The following MYBL2 variants were observed in gnomAD, a reference collection of about 807,000 sequenced individuals.
The protein encoded by MYBL2 is myb-related protein B.
Under a neutral mutation model 79.9 loss-of-function variants are expected in MYBL2, and 28 were observed. The ratio of observed to expected loss-of-function variants is 0.35; its 90% CI spans 0.26 to 0.48. The LOEUF (loss-of-function observed/expected upper bound fraction) is 0.48. MYBL2 is among the 20% of genes least tolerant of loss of function. The pLI, the probability that MYBL2 is intolerant of heterozygous loss-of-function variation, is 0.99. For missense variants in MYBL2, 735 were observed against 893.9 expected (o/e 0.82, Z 2.27); for synonymous variants, 378 against 361.2 (o/e 1.05, Z -0.53).
chr20:43,703,224 C>T (rs1307118099), intron 8 of MYBL2, among the ~76,000 whole-genome samples: 3 of 152,084 alleles, frequency 2.0e-5, no homozygotes, highest in African/African-American at 7.2e-5. Context: ...ACCTATTTCA[C>T]AGCAGACTTA....
At chr20:43,713,575 C>T (rs555643169) in intron 12 of MYBL2, among the ~76,000 whole-genome samples, 1 of 152,050 alleles carries the variant, frequency 6.6e-6, no homozygotes, top group African/African-American at 2.4e-5. Flanking sequence ...TTAGTAGAGA[C>T]GGGGTTTCTC....
chr20:43,705,275 A>G lies in MYBL2; in HGVS notation c.1422A>G (p.Thr474=), dbSNP rs1172898155. The G allele has an allele frequency of 1.9e-6, 3 of 1,614,016 alleles. No homozygotes were observed. The African/African-American group carries it at 4.0e-5, about 22-fold the overall frequency. Reference sequence around the variant, plus strand: ...TGGAGCTGGAGAGCCCCTCGCTGACATCCACCCCAGTGTGCAGCCAGAAGG... The same window carrying G: ...TGGAGCTGGAGAGCCCCTCGCTGACGTCCACCCCAGTGTGCAGCCAGAAGG... ...DTLELESPSL[T]STPVCSQKVV... is the part of the protein sequence containing the mutation. The change falls in exon 9 of 14, where the codon ACA becomes ACG. Residue 474 remains threonine, a synonymous_variant. Coordinates refer to ENST00000217026, the MANE Select transcript of MYBL2 (RefSeq NM_002466.4).
chr20:43,703,087 G>A (rs1987709553), intron 8 of MYBL2, among the ~76,000 whole-genome samples, 184 bp downstream of exon 8: 1 of 152,204 alleles, frequency 6.6e-6, no homozygotes, highest in Non-Finnish European at 1.5e-5. Context: ...GAAGGCTTAT[G>A]GTGCTGCATA....
At chr20:43,694,257 G>A (rs867303595) in intron 6 of MYBL2, among the ~76,000 whole-genome samples, 1 of 151,936 alleles carries the variant, frequency 6.6e-6, no homozygotes, top group Non-Finnish European at 1.5e-5. Flanking sequence ...GCGTGAACCC[G>A]GGAGGCAGAG....
In MYBL2 at chr20:43,667,320, G is replaced by C; in HGVS notation, c.20+17G>C. The C allele has an allele frequency of 8.1e-7, 1 of 1,230,408 alleles. No homozygotes were observed. Among genetic ancestry groups the C allele is most frequent in the Non-Finnish European group, 1.0e-6 (1 of 985,130 alleles). 76.2% of individuals were successfully genotyped at this position (1,230,408 alleles called of 1,614,324 possible). A position where few individuals can be genotyped will look rare whatever the true frequency, so the allele number is the denominator to read the frequency against. On this transcript the variant is annotated intron_variant, in intron 1 of 13. Coordinates refer to ENST00000217026, the MANE Select transcript of MYBL2 (RefSeq NM_002466.4). Reference sequence around the variant, plus strand: ...GACGCGCTGGTGAGACGAGCCGGGAGGGCTTGGGCCCCTCCCCCTCCCTTT... The same window carrying C: ...GACGCGCTGGTGAGACGAGCCGGGACGGCTTGGGCCCCTCCCCCTCCCTTT...
intron 4 of MYBL2, among the ~76,000 whole-genome samples, chr20:43,685,322 A>G (rs1987247067): frequency 6.6e-6 from 1 of 151,486 alleles, no homozygotes; most frequent in Admixed American, 6.6e-5. Flanking sequence ...CTGAGATTAC[A>G]GGTGCATGCT....
chr20:43,714,304 G>A (rs1017874002), intron 12 of MYBL2, among the ~76,000 whole-genome samples: 15 of 152,336 alleles, frequency 9.8e-5, no homozygotes, highest in East Asian at 3.9e-4. Context: ...TTGAAGCTGC[G>A]TCTTTATGAT....
intron 8 of MYBL2, among the ~76,000 whole-genome samples, chr20:43,704,224 C>A (rs1178861217): frequency 6.6e-6 from 1 of 152,158 alleles, no homozygotes; most frequent in African/African-American, 2.4e-5. Context: ...CCAGGTTGGC[C>A]AGACTGGTCT....
At chr20:43,703,489 G>C (rs888916154) in intron 8 of MYBL2, among the ~76,000 whole-genome samples, 2 of 152,220 alleles carry the variant, frequency 1.3e-5, no homozygotes, top group Admixed American at 6.5e-5. Context: ...GGGTCTCTCT[G>C]AGATAGAGGT....
intron 1 of MYBL2, among the ~76,000 whole-genome samples, chr20:43,673,245 TC>T (rs1367723509): frequency 6.8e-5 from 2 of 29,358 alleles, no homozygotes; most frequent in Non-Finnish European, 1.5e-4. Context: ...GTGCCTGGCC[TC>T]TTTTTTTTTT....
intron 12 of MYBL2, 119 bp downstream of exon 12, chr20:43,713,225 G>A (rs1987952059): frequency 3.0e-6 from 2 of 657,206 alleles, no homozygotes; most frequent in Non-Finnish European, 5.3e-6. Flanking sequence ...GGGGCTATCA[G>A]GGAGGGTGGG....
chr20:43,699,237 G>T (rs1426877207), intron 6 of MYBL2, among the ~76,000 whole-genome samples: 1 of 151,950 alleles, frequency 6.6e-6, no homozygotes, highest in Non-Finnish European at 1.5e-5. Context: ...GTAGAGACAG[G>T]GTTTCACCAT....
intron 5 of MYBL2, among the ~76,000 whole-genome samples, chr20:43,688,772 A>G (rs1222529328): frequency 6.6e-6 from 1 of 151,912 alleles, no homozygotes; most frequent in African/African-American, 2.4e-5. Context: ...TGTGGTTTCA[A>G]TAGCTTACTT....
At chr20:43,713,647 A>T (rs1987963458) in intron 12 of MYBL2, among the ~76,000 whole-genome samples, 1 of 152,158 alleles carries the variant, frequency 6.6e-6, no homozygotes, top group South Asian at 2.1e-4. Context: ...TCGGCCTCCC[A>T]GAGTGCTGGG....
intron 4 of MYBL2, among the ~76,000 whole-genome samples, chr20:43,684,519 G>A (rs1268368545): frequency 1.3e-5 from 2 of 150,252 alleles, no homozygotes; most frequent in African/African-American, 2.5e-5. Context: ...ACAAGCGTGA[G>A]CCACTGTGCC....
chr20:43,711,777 T>C (rs1300253068), intron 11 of MYBL2, among the ~76,000 whole-genome samples, 176 bp downstream of exon 11: 3 of 152,172 alleles, frequency 2.0e-5, no homozygotes, highest in African/African-American at 4.8e-5. Flanking sequence ...ATAAGGACAG[T>C]GTCTCTGGGA....
chr20:43,686,911 G>C lies in MYBL2; in HGVS notation c.339G>C (p.Leu113=), dbSNP rs1190363015. 6 of 1,614,102 alleles carry C rather than the reference G, an allele frequency of 3.7e-6. No homozygotes were observed. The African/African-American group carries it at 6.7e-5, about 18-fold the overall frequency. The change falls in exon 5 of 14, where the codon CTG becomes CTC. Residue 113 remains leucine (L), a synonymous_variant. Transcript: ENST00000217026. The stretch of plus-strand genomic sequence containing the variant: ...AGTGGACACTGATTGCCAAGCACCT[G>C]AAGGGCCGGCTGGGGAAGCAGTGCC... ...TKQWTLIAKH[L]KGRLGKQCRE...
intron 2 of MYBL2, among the ~76,000 whole-genome samples, chr20:43,676,878 GT>G (rs11477552): frequency 0.02 from 2,831 of 144,194 alleles, 69 homozygotes; most frequent in African/African-American, 0.064. Context: ...TTAGGATTGG[GT>G]TTTTTTTTTT....
rs1987791489 is a variant in MYBL2 at position 43,706,719 on chromosome 20, G to GTTTGTTTTT, written c.1505+1364_1505+1365insGTTTTTTTT. 8.5e-5 allele frequency among the ~76,000 whole-genome samples: 6 copies of GTTTGTTTTT among 70,780 alleles called. 1 individual carries two copies. The highest frequency in any genetic ancestry group is 3.6e-4 in the African/African-American group (6 of 16,752). 46.4% of individuals were successfully genotyped at this position (70,780 alleles called of 152,430 possible). ...CTGTCTGTACACAAAAAAAAAAAAAGTTTTTTTTTTTTTTGAGATGGAGTC... is the reference window on the plus strand; with the variant it reads ...CTGTCTGTACACAAAAAAAAAAAAAGTTTGTTTTTTTTTTTTTTTTTTTGAGATGGAGTC... On this transcript the variant is annotated intron_variant, in intron 9 of 13. Transcript: ENST00000217026.
Sources: allele counts gnomAD v4.1 joint callset (sites outside exome capture counted in the v4.1 genomes callset), GRCh38; gene constraint gnomAD v4.1.1; transcripts MANE v1.5; gene names NCBI Gene and HGNC (gene_info 2026-07-23, HGNC 2026-07-21).